The following QRICH2 variants were observed in gnomAD, a reference collection of about 807,000 sequenced individuals.
QRICH2 encodes the protein glutamine rich 2.
Under a neutral mutation model 168.3 loss-of-function variants are expected in QRICH2, and 119 were observed. That is an observed-to-expected ratio of 0.71 (90% confidence interval 0.61 to 0.82). QRICH2 has a LOEUF of 0.82. Among genes scored for constraint, QRICH2 ranks in the 40% least tolerant of loss-of-function variants. The probability of loss-of-function intolerance (pLI) is 0.00; values close to 1 mark genes in which losing one functional copy is unlikely to be tolerated. For missense variants in QRICH2, 2,241 were observed against 2,491.6 expected (o/e 0.90, Z 2.14); for synonymous variants, 894 against 951.2 (o/e 0.94, Z 1.11).
chr17:76,286,048 G>GC (rs2070878755), intron 7 of QRICH2, among the ~76,000 whole-genome samples: 1 of 151,290 alleles, frequency 6.6e-6, no homozygotes, highest in African/African-American at 2.4e-5. Context: ...GGTGGCAGGT[G>GC]CCTGTAGTCC....
chr17:76,285,977 C>T (rs928175489), intron 7 of QRICH2, among the ~76,000 whole-genome samples: 19 of 152,210 alleles, frequency 1.2e-4, no homozygotes, highest in African/African-American at 4.6e-4. Flanking sequence ...TTGAGACCAT[C>T]CTGGCTAACA....
At chr17:76,287,097 G>C in intron 7 of QRICH2, 95 bp downstream of exon 7, 1 of 691,138 alleles carries the variant, frequency 1.4e-6, no homozygotes, top group Non-Finnish European at 2.6e-6. Flanking sequence ...CATGATGGGA[G>C]GGACCTAGTT....
intron 2 of QRICH2, 73 bp from the exon 3 acceptor site, chr17:76,304,598 C>G (rs1244589559): frequency 9.2e-7 from 1 of 1,083,984 alleles, no homozygotes. Context: ...CAGACTTGGT[C>G]TAACAGGATC....
upstream of QRICH2, chr17:76,310,026 C>T (rs1307456139): frequency 1.3e-5 from 2 of 149,466 alleles, no homozygotes; most frequent in Non-Finnish European, 2.9e-5. Context: ...TGCTCTGTCA[C>T]TTGGGCTGGA....
chr17:76,285,157 G>A (rs1255966867), intron 7 of QRICH2, among the ~76,000 whole-genome samples: 2 of 150,196 alleles, frequency 1.3e-5, no homozygotes, highest in Non-Finnish European at 3.0e-5. Context: ...TTTTGAGATG[G>A]AGTCTCGCTT....
chr17:76,275,695 T>TCCC, intron 18 of QRICH2, 124 bp downstream of exon 18: 2 of 1,255,368 alleles, frequency 1.6e-6, no homozygotes, highest in Non-Finnish European at 2.1e-6. Flanking sequence ...TCCACACCCA[T>TCCC]CCCCCCCTTC....
At position 76,280,357 on chromosome 17, in the gene QRICH2, G is replaced by A; in HGVS notation, c.4556C>T (p.Ala1519Val). 1 of 1,614,216 alleles carries A rather than the reference G, an allele frequency of 6.2e-7. No homozygotes were observed. Among genetic ancestry groups the A allele is most frequent in the South Asian group, 1.1e-5 (1 of 91,090 alleles). ...QLNHMMQELVAKMSGQEQDWQ... is the reference protein window; with the variant it reads ...QLNHMMQELVVKMSGQEQDWQ... Reference sequence around the variant, plus strand: ...GTCCTGCTCCTGCCCGCTCATCTTGGCCACCAGCTCCTGCATCATGTGGTT... The same window carrying A: ...GTCCTGCTCCTGCCCGCTCATCTTGACCACCAGCTCCTGCATCATGTGGTT... The change falls in exon 11 of 19, where the codon GCC becomes GTC. Residue 1519 changes from alanine to valine, a missense_variant. Physicochemically the swap from Ala to Val is moderately conservative, Grantham distance 64. Coordinates refer to ENST00000680821, the MANE Select transcript of QRICH2 (RefSeq NM_001388453.1). The surrounding 1 kb of genome is among the most constrained non-coding windows in gnomAD (Gnocchi z 7.4).
At chr17:76,298,529 T>A (rs4788918) in intron 3 of QRICH2, among the ~76,000 whole-genome samples, 2 of 151,924 alleles carry the variant, frequency 1.3e-5, no homozygotes, top group East Asian at 3.9e-4. Flanking sequence ...ATATGTTGCC[T>A]AGGCTGGTCT....
chr17:76,280,815 C>A lies in QRICH2; in HGVS notation c.4386+16G>T. The A allele has an allele frequency of 6.2e-7, 1 of 1,614,016 alleles. No homozygotes were observed. The highest frequency in any genetic ancestry group is 8.5e-7 in the Non-Finnish European group (1 of 1,180,014). On this transcript the variant is annotated intron_variant, in intron 9 of 18. Coordinates refer to ENST00000680821, the MANE Select transcript of QRICH2 (RefSeq NM_001388453.1). This position sits in a 1 kb window ranked among gnomAD's most constrained non-coding sequence, Gnocchi z 7.4. Reference sequence around the variant, plus strand: ...TTGAGCCCCGGCCCCATCCCAGCCACCCTGCGGCCGCTCACAGCAATGTCC... The same window carrying A: ...TTGAGCCCCGGCCCCATCCCAGCCAACCTGCGGCCGCTCACAGCAATGTCC...
In QRICH2 at chr17:76,307,391, G is replaced by A; in HGVS notation, c.534+74C>T. The A allele has an allele frequency of 6.5e-7, 1 of 1,532,980 alleles. No homozygotes were observed. Among genetic ancestry groups the A allele is most frequent in the Non-Finnish European group, 9.0e-7 (1 of 1,110,158 alleles). 95.0% of individuals were successfully genotyped at this position (1,532,980 alleles called of 1,614,324 possible). On this transcript the variant is annotated intron_variant, in intron 1 of 18. Transcript: ENST00000680821. The surrounding 1 kb of genome is among the most constrained non-coding windows in gnomAD (Gnocchi z 5.3). ...CCACCGCTCACCCCTCCAGGGTGGTGGGGACTCGGCTAGGCCTGGAGGGCG... is the reference window on the plus strand; with the variant it reads ...CCACCGCTCACCCCTCCAGGGTGGTAGGGACTCGGCTAGGCCTGGAGGGCG...
upstream of QRICH2, chr17:76,310,113 C>T (rs1178084147): frequency 6.6e-6 from 1 of 152,106 alleles, no homozygotes; most frequent in Non-Finnish European, 1.5e-5. Context: ...CCTCAGCCTC[C>T]CGAGTAGCTG....
At chr17:76,294,747 A>G (rs1340864635) in intron 3 of QRICH2, among the ~76,000 whole-genome samples, 7 of 146,548 alleles carry the variant, frequency 4.8e-5, no homozygotes, top group African/African-American at 1.8e-4. Flanking sequence ...CGGGAGGTGG[A>G]GGTTGCAGTG....
chr17:76,306,711 A>G (rs1039844504), intron 1 of QRICH2, among the ~76,000 whole-genome samples: 6 of 151,746 alleles, frequency 4.0e-5, no homozygotes, highest in African/African-American at 1.5e-4. Context: ...ACATGGTGAA[A>G]CTCCTTCTCT....
rs776199750 is a variant in QRICH2 at position 76,292,556 on chromosome 17, C to T, written c.2171G>A (p.Gly724Asp). The T allele has an allele frequency of 3.7e-6, 6 of 1,613,988 alleles. No individual in the cohort carries two copies. Among genetic ancestry groups the T allele is most frequent in the Admixed American group, 1.7e-5 (1 of 59,990 alleles). The change falls in exon 4 of 19, where the codon GGT becomes GAT. Residue 724 changes from glycine (G) to aspartate (D), a missense_variant. By Grantham distance (94) the Gly-to-Asp change is moderately conservative (BLOSUM62 -1). Transcript: ENST00000680821. ...TTGGACCAAACCATGCTGAACTGCA[C>T]CAGGTTGAGCCAAATCACTCTGATC... ...GADQSDLAQP[G>D]AVQHGLVQPG...
Position 76,279,056 on chromosome 17 carries a change from C to T in QRICH2, c.4901G>A (p.Arg1634Gln), listed in dbSNP as rs751078118. The change falls in exon 14 of 19, where the codon CGG (arginine) becomes CAG (glutamine). Residue 1634 changes from arginine (R) to glutamine (Q), a missense_variant. Transcript: ENST00000680821. ...PYTVFELEQV[R>Q]QHSRNLKLGS... ...CATAGCATACTTGCGGCTATGCTGC[C>T]GGACCTGCTCCAGTTCAAACACCGT... 40 of 1,613,712 alleles carry T rather than the reference C, an allele frequency of 2.5e-5. No homozygotes were observed. The highest frequency in any genetic ancestry group is 4.5e-5 in the East Asian group (2 of 44,888).
intron 1 of QRICH2, among the ~76,000 whole-genome samples, chr17:76,305,752 C>G (rs1057375895): frequency 2.0e-5 from 3 of 152,072 alleles, no homozygotes; most frequent in Non-Finnish European, 4.4e-5. Flanking sequence ...AGAACCAAAG[C>G]AAATCGCTAC....
intron 17 of QRICH2, among the ~76,000 whole-genome samples, 154 bp downstream of exon 17, chr17:76,276,526 G>A (rs1234538336): frequency 1.3e-5 from 2 of 152,222 alleles, no homozygotes; most frequent in African/African-American, 4.8e-5. Context: ...CATTTACTTG[G>A]TGGCTTTTCG....
In QRICH2 at chr17:76,280,157, G is replaced by A; in HGVS notation, c.4627-3C>T. ...GGGTCCAGCTCCAGGCGGTCCAGCTGTGGCGGGGAAAGAGGGGCCAGGGGA... is the reference window on the plus strand; with the variant it reads ...GGGTCCAGCTCCAGGCGGTCCAGCTATGGCGGGGAAAGAGGGGCCAGGGGA... On this transcript the variant is annotated splice_region_variant and splice_polypyrimidine_tract_variant and intron_variant, in intron 11 of 18. Coordinates refer to ENST00000680821, the MANE Select transcript of QRICH2 (RefSeq NM_001388453.1). This position sits in a 1 kb window ranked among gnomAD's most constrained non-coding sequence, Gnocchi z 7.4. 3.7e-6 allele frequency: 6 copies of A among 1,613,270 alleles called. No individual in the cohort carries two copies. The highest frequency in any genetic ancestry group is 4.2e-6 in the Non-Finnish European group (5 of 1,179,620).
chr17:76,275,996 C>A, intron 17 of QRICH2, 49 bp from the exon 18 acceptor site: 1 of 1,589,626 alleles, frequency 6.3e-7, no homozygotes. Context: ...GCGGTGAGAG[C>A]TCTGTGGGAA....
Sources: gnomAD v4.1 joint callset for allele counts (sites outside exome capture counted in the v4.1 genomes callset) on GRCh38, gnomAD v4.1.1 for gene constraint, Gnocchi (gnomAD v3.1) non-coding constraint, MANE v1.5 for transcripts, NCBI Gene and HGNC (gene_info 2026-07-23, HGNC 2026-07-21) for gene names.